UGT2B4: variants seen among roughly 807,000 people sequenced by gnomAD.
The protein encoded by UGT2B4 is UDP glucuronosyltransferase family 2 member B4, also known as UDP-glucuronosyltransferase 2B4.
In UGT2B4, 49 loss-of-function variants were observed where a neutral mutation model predicts 49.8. The ratio of observed to expected loss-of-function variants is 0.98; its 90% CI spans 0.78 to 1.25. The LOEUF is 1.25. Among genes scored for constraint, UGT2B4 ranks in the 50% most tolerant of loss-of-function variants. The probability of loss-of-function intolerance (pLI) is 0.00; values close to 1 mark genes in which losing one functional copy is unlikely to be tolerated. For synonymous variants in UGT2B4, 246 were observed against 217.7 expected, an observed-to-expected ratio of 1.13 and a Z score of -1.14; for missense variants, 729 against 627.7, an observed-to-expected ratio of 1.16 and a Z score of -1.73.
intron 1 of UGT2B4, among the ~76,000 whole-genome samples, chr4:69,511,194 T>C (rs764205011): frequency 1.3e-5 from 2 of 152,028 alleles, no homozygotes; most frequent in Admixed American, 6.6e-5. Context: ...TTCACCAAGT[T>C]GACCAGGCTG....
chr4:69,500,614 A>AAAGCAAGC (rs1230531198), upstream of UGT2B4, among the ~76,000 whole-genome samples: 4 of 114,740 alleles, frequency 3.5e-5, no homozygotes, highest in East Asian at 7.1e-4. Context: ...AGGAAGAAAG[A>AAAGCAAGC]AAGAAAGAAA....
intron 2 of UGT2B4, among the ~76,000 whole-genome samples, chr4:69,491,685 C>T (rs1014560375): frequency 6.6e-6 from 1 of 152,086 alleles, no homozygotes; most frequent in African/African-American, 2.4e-5. Flanking sequence ...TGTACTACGA[C>T]TCAATCTTTT....
chr4:69,487,121 T>C (rs1577882637), intron 3 of UGT2B4, among the ~76,000 whole-genome samples: 2 of 152,280 alleles, frequency 1.3e-5, no homozygotes, highest in East Asian at 1.9e-4. Flanking sequence ...AAGAAATGCT[T>C]ATACTCTGTT....
At chr4:69,501,719 C>T (rs898965673) in intron 1 of UGT2B4, among the ~76,000 whole-genome samples, 1 of 151,928 alleles carries the variant, frequency 6.6e-6, no homozygotes, top group Admixed American at 6.6e-5. Context: ...GGGGAAGGGG[C>T]AGGCTGTCAT....
upstream of UGT2B4, among the ~76,000 whole-genome samples, chr4:69,500,625 GAAAGAAAGAAAGA>G (rs1728288215): frequency 7.7e-6 from 1 of 130,294 alleles, no homozygotes; most frequent in Non-Finnish European, 1.7e-5. Context: ...AAGAAAGAAA[GAAAGAAAGAAAGA>G]AAGAAAGAAA....
At chr4:69,525,396 T>C (rs1728957340) in intron 1 of UGT2B4, among the ~76,000 whole-genome samples, 1 of 152,178 alleles carries the variant, frequency 6.6e-6, no homozygotes, top group Non-Finnish European at 1.5e-5. Flanking sequence ...TGATGTGGTT[T>C]CTACATGAAT....
chr4:69,500,625 GA>G (rs745942218), upstream of UGT2B4, among the ~76,000 whole-genome samples: 4 of 130,290 alleles, frequency 3.1e-5, no homozygotes, highest in Non-Finnish European at 6.9e-5. Flanking sequence ...AAGAAAGAAA[GA>G]AAGAAAGAAA....
upstream of UGT2B4, among the ~76,000 whole-genome samples, chr4:69,496,239 A>C (rs533978542): frequency 6.6e-6 from 1 of 151,910 alleles, no homozygotes; most frequent in East Asian, 2.0e-4. Flanking sequence ...ATTCGGCAGG[A>C]TGGTCTCGAA....
intron 1 of UGT2B4, among the ~76,000 whole-genome samples, chr4:69,519,595 G>A (rs769136947): frequency 2.6e-5 from 4 of 152,120 alleles, no homozygotes; most frequent in African/African-American, 4.8e-5. Flanking sequence ...CCTGCCTCCC[G>A]TTTTATTCCT....
upstream of UGT2B4, among the ~76,000 whole-genome samples, chr4:69,496,891 T>C (rs183148330): frequency 1.8e-4 from 28 of 151,842 alleles, no homozygotes; most frequent in Admixed American, 1.5e-3. Context: ...ATTTAGAGAG[T>C]TTCAAGATGA....
chr4:69,496,359 A>C (rs1728163612), upstream of UGT2B4, among the ~76,000 whole-genome samples: 2 of 152,266 alleles, frequency 1.3e-5, no homozygotes, highest in Admixed American at 6.5e-5. Context: ...AGCTAATATC[A>C]ATGATCTTGG....
chr4:69,513,101 G>A (rs1035988003), intron 1 of UGT2B4, among the ~76,000 whole-genome samples: 1 of 152,140 alleles, frequency 6.6e-6, no homozygotes, highest in African/African-American at 2.4e-5. Context: ...GATTCCATTT[G>A]CCAATTTTTG....
chr4:69,499,709 G>T (rs1297814189), upstream of UGT2B4, among the ~76,000 whole-genome samples: 1 of 152,056 alleles, frequency 6.6e-6, no homozygotes, highest in African/African-American at 2.4e-5. Flanking sequence ...CTTTCTATTT[G>T]CTTGGTAAAT....
At chr4:69,493,585 C>T (rs2109812666) in intron 2 of UGT2B4, 108 bp downstream of exon 2, 5 of 1,366,134 alleles carry the variant, frequency 3.7e-6, no homozygotes, top group South Asian at 3.3e-5. Flanking sequence ...ATCTGCTTTA[C>T]TCTTCCCACT....
At chr4:69,481,146 GTAGTCCCAGC>G (rs1727579930) in intron 5 of UGT2B4, among the ~76,000 whole-genome samples, 1 of 144,946 alleles carries the variant, frequency 6.9e-6, no homozygotes, top group African/African-American at 2.5e-5. Flanking sequence ...GCATGTGCCT[GTAGTCCCAGC>G]TACTTGAGAG....
upstream of UGT2B4, among the ~76,000 whole-genome samples, chr4:69,497,338 C>G (rs1229405058): frequency 2.6e-5 from 4 of 152,214 alleles, no homozygotes; most frequent in African/African-American, 9.6e-5. Context: ...CCATCACCCT[C>G]CATTAACCCC....
intron 1 of UGT2B4, among the ~76,000 whole-genome samples, chr4:69,516,404 C>T (rs1232867075): frequency 1.3e-5 from 2 of 152,170 alleles, no homozygotes; most frequent in South Asian, 2.1e-4. Flanking sequence ...TGAGGAATTG[C>T]CTCACTGTCT....
intron 5 of UGT2B4, among the ~76,000 whole-genome samples, chr4:69,484,521 A>G (rs1369491391): frequency 6.6e-6 from 1 of 152,212 alleles, no homozygotes; most frequent in African/African-American, 2.4e-5. Flanking sequence ...GTACTTGGTA[A>G]AAGAAGTCAT....
rs375061246 is a variant in UGT2B4, at chr4:69,485,224, C to T, written c.1294G>A (p.Val432Ile). 2 of 1,613,780 alleles carry T rather than the reference C, an allele frequency of 1.2e-6. No homozygotes were observed. The highest frequency in any genetic ancestry group is 1.7e-6 in the Non-Finnish European group (2 of 1,179,892). The part of the protein sequence containing the change: ...STDLLNALKT[V>I]INDPLYKENA... The stretch of plus-strand genomic sequence containing the variant: ...TATACTCACAAAGGATCATTAATTA[C>T]TGTCTTCAGTGCATTGAGTAAGTCT... Residue 432 changes from valine to isoleucine, a missense_variant, in exon 5 of 6, where the codon GTA becomes ATA. Val to Ile is a conservative substitution (Grantham distance 29). Transcript: ENST00000305107.
Sources: gnomAD v4.1 joint callset for allele counts (sites outside exome capture counted in the v4.1 genomes callset) on GRCh38, gnomAD v4.1.1 for gene constraint, MANE v1.5 for transcripts, NCBI Gene and HGNC (gene_info 2026-07-23, HGNC 2026-07-21) for gene names.